Variants in KIF11 observed in about 807,000 individuals in gnomAD.
KIF11 encodes the protein kinesin family member 11.
KIF11 carries 9 observed loss-of-function variants against 121.0 expected under a neutral mutation model. The ratio of observed to expected loss-of-function variants is 0.07; its 90% CI spans 0.04 to 0.13. The LOEUF is 0.13. Ranked by LOEUF, KIF11 falls within the 10% of genes least tolerant of loss-of-function variation. The pLI is 1.00. For missense variants in KIF11, 846 were observed against 1,217.5 expected (o/e 0.69, Z 4.54); for synonymous variants, 408 against 421.0 (o/e 0.97, Z 0.38).
chr10:92,650,603 A>G lies in KIF11; in HGVS notation c.3039+86A>G. ...TAAAGGTATTGTTCGTGGTGAGCAGAACAACAAAAACCTTTCAATTATTCC... is the reference window on the plus strand; with the variant it reads ...TAAAGGTATTGTTCGTGGTGAGCAGGACAACAAAAACCTTTCAATTATTCC... On this transcript the variant is annotated intron_variant, in intron 21 of 21. Transcript: ENST00000260731. 5.2e-6 allele frequency: 4 copies of G among 767,316 alleles called. No homozygotes were observed. The South Asian group carries it at 6.2e-5, about 12-fold the overall frequency. 47.5% of individuals were successfully genotyped at this position (767,316 alleles called of 1,614,324 possible). A position where few individuals can be genotyped will look rare whatever the true frequency, so the allele number is the denominator to read the frequency against.
rs770861566 is a variant in KIF11 at position 92,606,614 on chromosome 10, G to C, written c.211-5G>C. The C allele has an allele frequency of 2.0e-6, 3 of 1,477,760 alleles. No homozygotes were observed. The highest frequency in any genetic ancestry group is 1.3e-5 in the South Asian group (1 of 79,608). 91.5% of individuals were successfully genotyped at this position (1,477,760 alleles called of 1,614,324 possible). A position where few individuals can be genotyped will look rare whatever the true frequency, so the allele number is the denominator to read the frequency against. On this transcript the variant is annotated splice_region_variant and splice_polypyrimidine_tract_variant and intron_variant, in intron 2 of 21. Coordinates refer to ENST00000260731, the MANE Select transcript of KIF11 (RefSeq NM_004523.4). Reference sequence around the variant, plus strand: ...GATTTTTTTTTTTTTAATTTTTTTCGTTAGGTGTTTGGAGCATCTACTAAA... The same window carrying C: ...GATTTTTTTTTTTTTAATTTTTTTCCTTAGGTGTTTGGAGCATCTACTAAA...
At chr10:92,626,881 T>G (rs1344251589) in intron 10 of KIF11, among the ~76,000 whole-genome samples, 1 of 150,764 alleles carries the variant, frequency 6.6e-6, no homozygotes, top group Non-Finnish European at 1.5e-5. Context: ...CGCCTCAGCC[T>G]CCTGAGTAGC....
chr10:92,593,420 G>A lies in KIF11; in HGVS notation c.45G>A (p.Lys15=). The A allele has an allele frequency of 6.2e-7, 1 of 1,611,408 alleles. No homozygotes were observed. Among genetic ancestry groups the A allele is most frequent in the Non-Finnish European group, 8.5e-7 (1 of 1,179,060 alleles). ...PNSSAKKKEE[K]GKNIQVVVRC... ...CGTCTGCGAAGAAGAAAGAGGAGAA[G>A]GGGAAGAACATCCAGGTGGTGGTGA... Residue 15 remains lysine (K), a synonymous_variant, in exon 1 of 22, where the codon AAG becomes AAA. Transcript: ENST00000260731.
intron 17 of KIF11, among the ~76,000 whole-genome samples, chr10:92,643,964 C>T (rs536515412): frequency 1.3e-5 from 2 of 152,284 alleles, no homozygotes; most frequent in East Asian, 3.9e-4. Flanking sequence ...CCATTGTGAA[C>T]TCTTCCTATA....
chr10:92,618,949 T>C (rs1364945994), intron 9 of KIF11, among the ~76,000 whole-genome samples: 1 of 152,266 alleles, frequency 6.6e-6, no homozygotes, highest in South Asian at 2.1e-4. Context: ...ACCTGTCCTC[T>C]ATCATTTCAA....
chr10:92,645,262 A>C, intron 17 of KIF11, 101 bp from the exon 18 acceptor site: 2 of 803,162 alleles, frequency 2.5e-6, no homozygotes, highest in South Asian at 3.6e-5. Flanking sequence ...CAGACTGTCC[A>C]CGTTCAGATC....
At chr10:92,640,286 G>A (rs561811969) in intron 17 of KIF11, among the ~76,000 whole-genome samples, 2 of 151,816 alleles carry the variant, frequency 1.3e-5, no homozygotes, top group African/African-American at 4.8e-5. Flanking sequence ...ATTGGACACT[G>A]TTTACATGTT....
intron 14 of KIF11, among the ~76,000 whole-genome samples, chr10:92,635,314 A>C (rs1372638457): frequency 6.6e-6 from 1 of 152,246 alleles, no homozygotes; most frequent in African/African-American, 2.4e-5. Context: ...TGATTCATTC[A>C]TTAAATGGTG....
chr10:92,611,727 C>T (rs867992039), intron 6 of KIF11, among the ~76,000 whole-genome samples: 3 of 151,988 alleles, frequency 2.0e-5, no homozygotes, highest in Non-Finnish European at 2.9e-5. Flanking sequence ...GGTGAAACCC[C>T]GTCTCTACTA....
intron 19 of KIF11, among the ~76,000 whole-genome samples, 183 bp from the exon 20 acceptor site, chr10:92,649,652 A>T (rs1844958900): frequency 6.6e-6 from 1 of 152,210 alleles, no homozygotes; most frequent in South Asian, 2.1e-4. Context: ...AAAGTCTGTC[A>T]TCAAATTAGA....
At chr10:92,653,282 ATG>A (rs1235520422) in intron 21 of KIF11, among the ~76,000 whole-genome samples, 1 of 152,202 alleles carries the variant, frequency 6.6e-6, no homozygotes, top group African/African-American at 2.4e-5. Flanking sequence ...ACAGTGTACT[ATG>A]TGAATACTCA....
At chr10:92,597,324 C>G (rs1844308836) in intron 1 of KIF11, 1 of 200,002 alleles carries the variant, frequency 5.0e-6, no homozygotes, top group African/African-American at 2.3e-5. Flanking sequence ...AGTGCAGTGG[C>G]ACAGTCTCGG....
At chr10:92,650,078 C>A in intron 20 of KIF11, 92 bp downstream of exon 20, 3 of 908,228 alleles carry the variant, frequency 3.3e-6, no homozygotes, top group South Asian at 1.7e-5. Flanking sequence ...GTTTACCCCT[C>A]AATCTTACCC....
intron 1 of KIF11, among the ~76,000 whole-genome samples, chr10:92,596,641 A>T (rs1034402996): frequency 6.6e-6 from 1 of 151,204 alleles, no homozygotes; most frequent in African/African-American, 2.4e-5. Flanking sequence ...GCATCTTTTC[A>T]TGTGTTTACT....
intron 16 of KIF11, among the ~76,000 whole-genome samples, chr10:92,638,604 A>G (rs1446909978): frequency 6.6e-6 from 1 of 152,204 alleles, no homozygotes; most frequent in Non-Finnish European, 1.5e-5. Flanking sequence ...GTATCTTAGC[A>G]TGAATGGTTT....
In KIF11 at chr10:92,652,102, C is replaced by T. The variant is rs528452914; in HGVS notation, c.3040-1563C>T. Among the ~76,000 whole-genome samples the T allele has an allele frequency of 1.4e-4, 21 of 151,648 alleles. 1 individual carries two copies. The highest frequency in any genetic ancestry group is 4.2e-4 in the South Asian group (2 of 4,802). ...CTAGGATTACAGGCATGAACCACTG[C>T]GCCTGGCTGCTTGTACCTTTTTTGT... On this transcript the variant is annotated intron_variant, in intron 21 of 21. Transcript: ENST00000260731.
At position 92,613,820 on chromosome 10, in the gene KIF11, C is replaced by T. The variant is rs1797016190; in HGVS notation, c.1032+201C>T. Among the ~76,000 whole-genome samples, 1 of 151,846 alleles carries T rather than the reference C, an allele frequency of 6.6e-6. No individual in the cohort carries two copies. Among genetic ancestry groups the T allele is most frequent in the Non-Finnish European group, 1.5e-5 (1 of 67,948 alleles). ...CGAAACCCTGTCTCTACCAAAAATA[C>T]AAAAAATTAGCTGGGTTTGGTGGTG... is the stretch of plus-strand genomic sequence containing the variant. On this transcript the variant is annotated intron_variant, in intron 8 of 21. Coordinates refer to ENST00000260731, the MANE Select transcript of KIF11 (RefSeq NM_004523.4). This position sits in a 1 kb window ranked among gnomAD's most constrained non-coding sequence, Gnocchi z 4.2.
chr10:92,653,362 G>C (rs1486091912), intron 21 of KIF11, among the ~76,000 whole-genome samples: 1 of 152,186 alleles, frequency 6.6e-6, no homozygotes, highest in Non-Finnish European at 1.5e-5. Flanking sequence ...AATGTCCCCT[G>C]TGGCAGCAGA....
chr10:92,642,126 CTTG>C (rs1410970663), intron 17 of KIF11, among the ~76,000 whole-genome samples: 1 of 151,782 alleles, frequency 6.6e-6, no homozygotes, highest in Admixed American at 6.6e-5. Context: ...TCTGAGTTTT[CTTG>C]TTGTTGCCAT....
Sources: gnomAD v4.1 joint callset for allele counts (sites outside exome capture counted in the v4.1 genomes callset) on GRCh38, gnomAD v4.1.1 for gene constraint, Gnocchi (gnomAD v3.1) non-coding constraint, MANE v1.5 for transcripts, NCBI Gene and HGNC (gene_info 2026-07-23, HGNC 2026-07-21) for gene names.